EFCAB7: variants seen among roughly 807,000 people sequenced by gnomAD.
EFCAB7 encodes the protein EF-hand calcium binding domain 7.
In EFCAB7, 66 loss-of-function variants were observed where a neutral mutation model predicts 77.1. The ratio of observed to expected loss-of-function variants is 0.86; its 90% CI spans 0.70 to 1.05. The LOEUF is 1.05. Among genes scored for constraint, EFCAB7 ranks in the 50% least tolerant of loss-of-function variants. The pLI is 0.00. For synonymous variants in EFCAB7, 225 were observed against 243.3 expected (o/e 0.92, Z 0.70); for missense variants, 638 against 730.5 (o/e 0.87, Z 1.46).
intron 2 of EFCAB7, chr1:63,528,113 T>G (rs550534286): frequency 6.6e-6 from 1 of 152,472 alleles, no homozygotes; most frequent in East Asian, 1.9e-4. Flanking sequence ...ATTGAAGAGA[T>G]ATCTGCACTC....
chr1:63,528,576 G>T (rs1026207265), intron 2 of EFCAB7, among the ~76,000 whole-genome samples: 3 of 152,012 alleles, frequency 2.0e-5, no homozygotes, highest in African/African-American at 7.2e-5. Flanking sequence ...AGTATAATTG[G>T]ATTGTTTGAA....
chr1:63,582,626 G>A, the EFCAB7 span, among the ~76,000 whole-genome samples: 1 of 151,954 alleles, frequency 6.6e-6, no homozygotes, highest in South Asian at 2.1e-4. Context: ...GGGTTTTTTT[G>A]AGATGCAGTC....
chr1:63,533,379 A>G, intron 4 of EFCAB7, 75 bp from the exon 5 acceptor site: 1 of 1,051,482 alleles, frequency 9.5e-7, no homozygotes. Context: ...CTTGCCTACT[A>G]ATGTGCATTT....
chr1:63,576,693 C>T (rs1647429208), downstream of EFCAB7, among the ~76,000 whole-genome samples: 1 of 149,444 alleles, frequency 6.7e-6, no homozygotes, highest in African/African-American at 2.5e-5. Context: ...ATTAGCTGGG[C>T]GTGGTGGCGG....
chr1:63,523,735 T>C (rs1482985904), intron 1 of EFCAB7, 101 bp downstream of exon 1: 1 of 159,304 alleles, frequency 6.3e-6, no homozygotes, highest in African/African-American at 2.4e-5. Context: ...GTCATAAACA[T>C]TTGGTCCATG....
At chr1:63,536,338 T>G (rs1461683596) in intron 6 of EFCAB7, among the ~76,000 whole-genome samples, 2 of 152,184 alleles carry the variant, frequency 1.3e-5, no homozygotes, top group African/African-American at 4.8e-5. Flanking sequence ...CTTTTGTTAT[T>G]CAGCAGCATT....
chr1:63,560,184 C>T (rs1275876299), intron 10 of EFCAB7, among the ~76,000 whole-genome samples: 1 of 152,028 alleles, frequency 6.6e-6, no homozygotes, highest in Admixed American at 6.6e-5. Context: ...GATCTCCTGA[C>T]CTCATGATCT....
the EFCAB7 span, among the ~76,000 whole-genome samples, chr1:63,578,732 C>T: frequency 2.0e-5 from 3 of 152,056 alleles, no homozygotes; most frequent in African/African-American, 4.8e-5. Flanking sequence ...TGAGCCACTG[C>T]GCCCGGCCTC....
At chr1:63,555,842 A>G (rs1647024500) in intron 9 of EFCAB7, among the ~76,000 whole-genome samples, 1 of 151,988 alleles carries the variant, frequency 6.6e-6, no homozygotes, top group African/African-American at 2.4e-5. Context: ...GGCTCAGGTG[A>G]TCCTCCCAGC....
At chr1:63,569,382 A>C (rs1315205093) in intron 12 of EFCAB7, 2 of 152,218 alleles carry the variant, frequency 1.3e-5, no homozygotes, top group African/African-American at 2.4e-5. Context: ...GACATCAGAG[A>C]ATAATTAAAC....
intron 1 of EFCAB7, 130 bp downstream of exon 1, chr1:63,523,764 A>G (rs1304445675): frequency 6.5e-6 from 1 of 153,322 alleles, no homozygotes; most frequent in Admixed American, 6.5e-5. Flanking sequence ...TAAAATGTAC[A>G]TGTAAATGCG....
At chr1:63,568,785 G>A in intron 12 of EFCAB7, 1 of 287,472 alleles carries the variant, frequency 3.5e-6, no homozygotes, top group Non-Finnish European at 6.4e-6. Flanking sequence ...GCACAATCTG[G>A]GTACAAAGTA....
chr1:63,549,985 T>A (rs1312225020), intron 7 of EFCAB7: 1 of 152,680 alleles, frequency 6.5e-6, no homozygotes, highest in Non-Finnish European at 1.5e-5. Flanking sequence ...TTCTTATAGT[T>A]GGACCCTTGT....
chr1:63,566,988 T>C (rs2100926734), intron 11 of EFCAB7, among the ~76,000 whole-genome samples: 1 of 151,968 alleles, frequency 6.6e-6, no homozygotes, highest in South Asian at 2.1e-4. Flanking sequence ...TCTTAAAAGA[T>C]GACCACCAAT....
chr1:63,558,975 G>T (rs917774317), intron 10 of EFCAB7, among the ~76,000 whole-genome samples: 4 of 150,748 alleles, frequency 2.7e-5, no homozygotes, highest in Non-Finnish European at 5.9e-5. Context: ...TTGAGGCCAG[G>T]ATTTCAAGAC....
At chr1:63,574,447 G>A (rs895927835), downstream of EFCAB7, among the ~76,000 whole-genome samples, 5 of 152,158 alleles carry the variant, frequency 3.3e-5, no homozygotes, top group Non-Finnish European at 5.9e-5. Flanking sequence ...TGAGGGAGTA[G>A]GTGGGAGTAG....
chr1:63,524,833 T>C lies in EFCAB7; in HGVS notation c.-1-739T>C, dbSNP rs187401654. On this transcript the variant is annotated intron_variant, in intron 1 of 13. Coordinates refer to ENST00000371088, the MANE Select transcript of EFCAB7 (RefSeq NM_032437.4). ...ACAAAAAAATACCTGACCGCTGTAA[T>C]AGGGATAAGACAAGATGTATGACAG... Among the ~76,000 whole-genome samples the C allele has an allele frequency of 1.3e-3, 203 of 152,316 alleles. 1 individual carries two copies. In the Middle Eastern group the frequency reaches 0.02, roughly 15 times the overall value.
At chr1:63,569,750 G>C (rs1647213307) in intron 12 of EFCAB7, 1 of 152,186 alleles carries the variant, frequency 6.6e-6, no homozygotes. Context: ...AAACGAGATA[G>C]AGGAGTTTAG....
intron 12 of EFCAB7, chr1:63,568,797 T>A (rs217468): frequency 0.36 from 88,499 of 249,070 alleles, 15,921 homozygotes; most frequent in South Asian, 0.47. Flanking sequence ...TACAAAGTAT[T>A]TTATTTAGTT....
Sources: allele counts gnomAD v4.1 joint callset (sites outside exome capture counted in the v4.1 genomes callset), GRCh38; gene constraint gnomAD v4.1.1; transcripts MANE v1.5; gene names NCBI Gene and HGNC (gene_info 2026-07-23, HGNC 2026-07-21).